Variants in UNC5D observed in about 807,000 individuals in gnomAD.
UNC5D encodes the protein netrin receptor UNC5D.
In UNC5D, 39 loss-of-function variants were observed where a neutral mutation model predicts 105.4. That is an observed-to-expected ratio of 0.37 (90% CI 0.29 to 0.48). The LOEUF is 0.48. Among genes scored for constraint, UNC5D ranks in the 20% least tolerant of loss-of-function variants. UNC5D has a pLI of 0.98. For synonymous variants in UNC5D, 452 were observed against 450.4 expected (o/e 1.00, Z -0.04); for missense variants, 991 against 1,202.4 (o/e 0.82, Z 2.60).
chr8:35,258,375 G>A (rs2128818945), intron 1 of UNC5D, among the ~76,000 whole-genome samples: 1 of 152,328 alleles, frequency 6.6e-6, no homozygotes, highest in South Asian at 2.1e-4. Context: ...TCAAACCATA[G>A]TAATATGTTA....
intron 1 of UNC5D, among the ~76,000 whole-genome samples, chr8:35,281,368 G>A (rs1171469134): frequency 1.3e-5 from 2 of 151,618 alleles, no homozygotes; most frequent in Non-Finnish European, 2.9e-5. Flanking sequence ...AGTGGAAGTG[G>A]TCTTTGCACC....
chr8:35,450,305 G>C (rs1302000995), intron 1 of UNC5D, among the ~76,000 whole-genome samples: 1 of 152,138 alleles, frequency 6.6e-6, no homozygotes, highest in Non-Finnish European at 1.5e-5. Flanking sequence ...CCGTTGCTCA[G>C]AGTGAGTTAC....
At position 35,286,381 on chromosome 8, in the gene UNC5D, C is replaced by T. The variant is rs531935179; in HGVS notation, c.103+50494C>T. Among the ~76,000 whole-genome samples, 70 of 152,278 alleles carry T rather than the reference C, an allele frequency of 4.6e-4. No individual in the cohort carries two copies. In the South Asian group the frequency reaches 9.3e-3, roughly 20 times the overall value. On this transcript the variant is annotated intron_variant, in intron 1 of 16. Coordinates refer to ENST00000404895, the MANE Select transcript of UNC5D (RefSeq NM_080872.4). ...AACAGTGTCATACTGTAGGAAACAC[C>T]GCCCACAAGTCTTCTAGGCTTGAAT...
chr8:35,553,245 C>T (rs528962159), intron 2 of UNC5D, among the ~76,000 whole-genome samples: 1 of 152,154 alleles, frequency 6.6e-6, no homozygotes, highest in Admixed American at 6.5e-5. Context: ...TTTGTTATTG[C>T]TTCCCCCTTT....
intron 11 of UNC5D, among the ~76,000 whole-genome samples, chr8:35,739,520 C>A (rs1023062861): frequency 6.6e-6 from 1 of 152,062 alleles, no homozygotes; most frequent in Admixed American, 6.6e-5. Flanking sequence ...TGGACACTCA[C>A]AATGTGAAAT....
chr8:35,252,947 G>A (rs1803812131), intron 1 of UNC5D, among the ~76,000 whole-genome samples: 1 of 152,082 alleles, frequency 6.6e-6, no homozygotes, highest in African/African-American at 2.4e-5. Flanking sequence ...GTAGGGAGTT[G>A]ATTTCCATCT....
intron 4 of UNC5D, among the ~76,000 whole-genome samples, chr8:35,614,930 C>T (rs1336410938): frequency 3.3e-5 from 5 of 151,744 alleles, no homozygotes. Context: ...CACTTTTCAG[C>T]TGAGTGTGAT....
At chr8:35,272,506 C>T (rs1211477473) in intron 1 of UNC5D, among the ~76,000 whole-genome samples, 2 of 152,144 alleles carry the variant, frequency 1.3e-5, no homozygotes, top group African/African-American at 2.4e-5. Flanking sequence ...TTAGAGTGTT[C>T]CAAACTCAGG....
intron 1 of UNC5D, among the ~76,000 whole-genome samples, chr8:35,356,378 C>A (rs1006471928): frequency 6.6e-6 from 1 of 152,116 alleles, no homozygotes. Flanking sequence ...CCGTTGGATG[C>A]CTCTGGGCAT....
intron 16 of UNC5D, among the ~76,000 whole-genome samples, chr8:35,786,456 A>T (rs185339161): frequency 1.2e-3 from 182 of 152,208 alleles, no homozygotes; most frequent in African/African-American, 4.2e-3. Context: ...GAACCATGTG[A>T]CTGGCAGGAG....
Position 35,726,371 on chromosome 8 carries a change from G to A in UNC5D, c.1523G>A (p.Arg508Lys). Residue 508 changes from arginine (R) to lysine (K), a missense_variant, in exon 10 of 17, where the codon AGG (arginine) becomes AAG (lysine). By Grantham distance (26) the Arg-to-Lys change is conservative. Around this residue, in one of 3 missense-constraint regions of UNC5D, gnomAD observed 944 missense variants for 1,131.6 expected, o/e 0.83. Coordinates refer to ENST00000404895, the MANE Select transcript of UNC5D (RefSeq NM_080872.4). ...GAGTACCACGGCAAGAATCATTCCA[G>A]GACTTTTCCCCATGGAAACAACCAC... ...RAEYHGKNHS[R>K]TFPHGNNHSF... 3 of 1,614,070 alleles carry A rather than the reference G, an allele frequency of 1.9e-6. No individual in the cohort carries two copies. The highest frequency in any genetic ancestry group is 2.5e-6 in the Non-Finnish European group (3 of 1,180,008).
intron 3 of UNC5D, among the ~76,000 whole-genome samples, chr8:35,575,477 C>A (rs940200347): frequency 2.6e-5 from 4 of 152,086 alleles, no homozygotes; most frequent in Non-Finnish European, 4.4e-5. Flanking sequence ...AACAGTACTA[C>A]AATGAAGCCA....
intron 7 of UNC5D, among the ~76,000 whole-genome samples, chr8:35,702,638 A>ACTT (rs556719093): frequency 4.6e-5 from 7 of 152,214 alleles, no homozygotes; most frequent in Non-Finnish European, 4.4e-5. Flanking sequence ...TAGAGTGGGT[A>ACTT]CTTCTTGCAA....
intron 16 of UNC5D, among the ~76,000 whole-genome samples, chr8:35,788,688 A>AG (rs1358330439): frequency 4.2e-4 from 62 of 147,850 alleles, no homozygotes; most frequent in African/African-American, 1.5e-3. Flanking sequence ...GGAAGGCAGA[A>AG]AACACACACA....
chr8:35,369,701 G>A (rs1291494211), intron 1 of UNC5D, among the ~76,000 whole-genome samples: 1 of 152,116 alleles, frequency 6.6e-6, no homozygotes, highest in African/African-American at 2.4e-5. Context: ...CATGATGGTG[G>A]CTGTGGAATG....
At chr8:35,722,472 G>T in intron 9 of UNC5D, 77 bp downstream of exon 9, 1 of 1,516,896 alleles carries the variant, frequency 6.6e-7, no homozygotes, top group African/African-American at 1.4e-5. Context: ...GCCTTCTCCT[G>T]GGCCCTGTGT....
At position 35,785,806 on chromosome 8, in the gene UNC5D, T is replaced by A. The variant is rs115840450; in HGVS notation, c.2658-4553T>A. On this transcript the variant is annotated intron_variant, in intron 16 of 16. Transcript: ENST00000404895. ...TAGCAGTCTTGCAAGATCGGGTGTC[T>A]GGTAGGCAGGCATACCCAGGGCAGC... Among the ~76,000 whole-genome samples the A allele has an allele frequency of 6.2e-3, 937 of 152,292 alleles. 4 individuals carry two copies. Among genetic ancestry groups the A allele is most frequent in the African/African-American group, 0.021 (890 of 41,570 alleles).
intron 1 of UNC5D, among the ~76,000 whole-genome samples, chr8:35,439,112 G>A (rs1338443585): frequency 4.0e-5 from 6 of 151,684 alleles, no homozygotes; most frequent in African/African-American, 1.2e-4. Context: ...CTTGAAATGC[G>A]GATAATAATG....
intron 1 of UNC5D, among the ~76,000 whole-genome samples, chr8:35,507,315 A>G (rs2130311610): frequency 6.6e-6 from 1 of 152,050 alleles, no homozygotes; most frequent in East Asian, 1.9e-4. Flanking sequence ...TCGGCCTCCC[A>G]AAGTGCTGGG....
Sources: allele counts gnomAD v4.1 joint callset (sites outside exome capture counted in the v4.1 genomes callset), GRCh38; gene constraint gnomAD v4.1.1; regional missense constraint gnomAD v4.1.1; transcripts MANE v1.5; gene names NCBI Gene and HGNC (gene_info 2026-07-23, HGNC 2026-07-21).